The following LPA variants were observed in gnomAD, a reference collection of about 807,000 sequenced individuals.
The protein encoded by LPA is lipoprotein(a).
A neutral mutation model predicts 197.9 loss-of-function variants in LPA; 199 were observed. The ratio of observed to expected loss-of-function variants is 1.01; its 90% confidence interval spans 0.90 to 1.13. The LOEUF (loss-of-function observed/expected upper bound fraction) is 1.13. Ranked by LOEUF, LPA falls within the 50% of genes most tolerant of loss-of-function variation. The pLI is 0.00. For missense variants in LPA, 1,853 were observed against 1,785.8 expected (o/e 1.04, Z -0.68); for synonymous variants, 715 against 639.5 (o/e 1.12, Z -1.78).
At chr6:160,646,936 A>G (rs1296889856) in intron 2 of LPA, among the ~76,000 whole-genome samples, 1 of 152,058 alleles carries the variant, frequency 6.6e-6, no homozygotes, top group African/African-American at 2.4e-5. Context: ...CTCAAAACCT[A>G]GTGAAAAGGC....
intron 20 of LPA, among the ~76,000 whole-genome samples, chr6:160,599,018 A>G (rs1779183888): frequency 6.6e-6 from 1 of 152,180 alleles, no homozygotes; most frequent in African/African-American, 2.4e-5. Flanking sequence ...TTCTGCTTCC[A>G]TAAAACTAGG....
Position 160,531,623 on chromosome 6 carries a change from G to T in LPA, c.*106C>A. 1.4e-6 allele frequency: 2 copies of T among 1,473,216 alleles called. No homozygotes were observed. The highest frequency in any genetic ancestry group is 2.3e-5 in the South Asian group (2 of 86,852). The allele number at this position is 1,473,216 out of a possible 1,614,324, so 91.3% of individuals were successfully genotyped here. A position where few individuals can be genotyped will look rare whatever the true frequency, so the allele number is the denominator to read the frequency against. On this transcript the variant is annotated 3_prime_UTR_variant, in exon 39 of 39. Transcript: ENST00000316300. Reference sequence around the variant, plus strand: ...AAGGTTTGGCATAGCTGGTAGCTGGGAACAGTGTCTTCGTTTGATTGCTGT... The same window carrying T: ...AAGGTTTGGCATAGCTGGTAGCTGGTAACAGTGTCTTCGTTTGATTGCTGT...
At chr6:160,592,306 C>A (rs1583603353) in intron 22 of LPA, among the ~76,000 whole-genome samples, 2 of 152,184 alleles carry the variant, frequency 1.3e-5, no homozygotes, top group South Asian at 4.1e-4. Context: ...CTTTTCCTAC[C>A]ATAATATCTA....
At chr6:160,551,112 A>G (rs148438084) in intron 30 of LPA, among the ~76,000 whole-genome samples, 2,634 of 152,310 alleles carry the variant, frequency 0.017, 31 homozygotes, top group African/African-American at 0.026. Flanking sequence ...TGGAGAAACT[A>G]TCAGACTGAT....
chr6:160,662,852 T>TC (rs1436898391), intron 1 of LPA, among the ~76,000 whole-genome samples: 1 of 152,194 alleles, frequency 6.6e-6, no homozygotes. Flanking sequence ...CATCAGACTC[T>TC]CCCTGCAGGG....
At chr6:160,571,652 C>G (rs572113710) in intron 28 of LPA, among the ~76,000 whole-genome samples, 1 of 152,226 alleles carries the variant, frequency 6.6e-6, no homozygotes, top group Non-Finnish European at 1.5e-5. Context: ...GTTCAAACTT[C>G]CTAGCGGTTT....
intron 28 of LPA, among the ~76,000 whole-genome samples, chr6:160,559,141 T>C (rs1778320765): frequency 2.0e-5 from 3 of 152,214 alleles, no homozygotes; most frequent in Admixed American, 2.0e-4. Context: ...AACATTTCTG[T>C]GACCCCAGAA....
At chr6:160,606,059 G>T (rs987423639) in intron 17 of LPA, among the ~76,000 whole-genome samples, 1 of 152,198 alleles carries the variant, frequency 6.6e-6, no homozygotes, top group Non-Finnish European at 1.5e-5. Flanking sequence ...AAGGGTGACA[G>T]GCTCCAGAGC....
intron 28 of LPA, among the ~76,000 whole-genome samples, chr6:160,561,140 A>AC (rs1315146312): frequency 2.0e-5 from 3 of 151,984 alleles, no homozygotes; most frequent in Non-Finnish European, 4.4e-5. Context: ...CGATCTCCTG[A>AC]CCTCGTGATC....
intron 23 of LPA, 100 bp from the exon 24 acceptor site, chr6:160,589,812 G>A: frequency 2.2e-6 from 3 of 1,377,202 alleles, no homozygotes; most frequent in Non-Finnish European, 3.1e-6. Flanking sequence ...CTCTGAAAAT[G>A]ACGACCATGC....
In LPA at chr6:160,605,133, A is replaced by G. The variant is rs538586313; in HGVS notation, c.2858T>C (p.Phe953Ser). The G allele has an allele frequency of 2.5e-6, 4 of 1,613,950 alleles. No homozygotes were observed. The South Asian group carries it at 3.3e-5, about 13-fold the overall frequency. Reference protein sequence around the residue: ...GNGQSYQGTYFITVTGRTCQA... With the variant: ...GNGQSYQGTYSITVTGRTCQA... ...GCAGGTTCTTCCTGTGACAGTAATG[A>G]AGTATGTGCCTTGATAACTCTGTCC... The change falls in exon 18 of 39, where the codon TTC becomes TCC. Residue 953 changes from phenylalanine to serine, a missense_variant. Phe to Ser is a radical substitution (Grantham distance 155). Coordinates refer to ENST00000316300, the MANE Select transcript of LPA (RefSeq NM_005577.4).
In LPA at chr6:160,610,421, C is replaced by A. The variant is rs113336203; in HGVS notation, c.2603+1141G>T. On this transcript the variant is annotated intron_variant, in intron 16 of 38. Transcript: ENST00000316300. ...TGTTCTGGGGTCTCCACTGAATTGG[C>A]AATGTGTTCCGTGAGCACTCTCTCA... Among the ~76,000 whole-genome samples the A allele has an allele frequency of 2.7e-3, 415 of 152,192 alleles. 1 individual carries two copies. The highest frequency in any genetic ancestry group is 4.3e-3 in the Admixed American group (66 of 15,280).
chr6:160,541,749 G>A (rs1777985027), intron 34 of LPA, among the ~76,000 whole-genome samples: 1 of 152,192 alleles, frequency 6.6e-6, no homozygotes, highest in Non-Finnish European at 1.5e-5. Flanking sequence ...CAACGAAGAG[G>A]AATAGAGATA....
chr6:160,589,827 T>C (rs906580211), intron 23 of LPA, 115 bp from the exon 24 acceptor site: 22 of 1,215,206 alleles, frequency 1.8e-5, no homozygotes, highest in Non-Finnish European at 2.4e-5. Flanking sequence ...CCATGCTCTG[T>C]TCTACATTAG....
In LPA at chr6:160,599,642, G is replaced by A. The variant is rs763781934; in HGVS notation, c.3145C>T (p.Pro1049Ser). 2 of 1,613,990 alleles carry A rather than the reference G, an allele frequency of 1.2e-6. No homozygotes were observed. Among genetic ancestry groups the A allele is most frequent in the South Asian group, 1.1e-5 (1 of 91,078 alleles). The stretch of plus-strand genomic sequence containing the variant: ...TGGTAGTAGCAGTCCTGTACCCCGG[G>A]GGTTTCCTCAGTCAGTGCTGAAATT... The part of the protein sequence containing the change: ...FFEQALTEET[P>S]GVQDCYYHYG... Residue 1049 changes from proline (P) to serine (S), a missense_variant, in exon 20 of 39, where the codon CCC becomes TCC. Physicochemically the swap from Pro to Ser is moderately conservative, Grantham distance 74. Around this residue, in one of 3 missense-constraint regions of LPA, gnomAD observed 1,737 missense variants for 1,504.4 expected, o/e 1.15. Coordinates refer to ENST00000316300, the MANE Select transcript of LPA (RefSeq NM_005577.4).
In LPA at chr6:160,558,437, G is replaced by A. The variant is rs139529265; in HGVS notation, c.4632-866C>T. Among the ~76,000 whole-genome samples the A allele has an allele frequency of 6.0e-3, 919 of 152,260 alleles. 9 individuals are homozygous for A. Among genetic ancestry groups the A allele is most frequent in the Middle Eastern group, 0.041 (12 of 294 alleles). Reference sequence around the variant, plus strand: ...AGAGTGAAAAGCAATTATGAAAATAGTATTACTGTAAATAACATACCAGGT... The same window carrying A: ...AGAGTGAAAAGCAATTATGAAAATAATATTACTGTAAATAACATACCAGGT... On this transcript the variant is annotated intron_variant, in intron 28 of 38. Coordinates refer to ENST00000316300, the MANE Select transcript of LPA (RefSeq NM_005577.4).
At chr6:160,600,892 G>C in intron 19 of LPA, 25 bp downstream of exon 19, 1 of 1,611,246 alleles carries the variant, frequency 6.2e-7, no homozygotes, top group Non-Finnish European at 8.5e-7. Context: ...ATCCAAGCAG[G>C]TAAATGTCTG....
intron 36 of LPA, 126 bp from the exon 37 acceptor site, chr6:160,538,087 A>G (rs961882126): frequency 1.2e-5 from 9 of 738,158 alleles, no homozygotes; most frequent in Non-Finnish European, 2.2e-5. Flanking sequence ...TCACTGACAC[A>G]GAACAATGTA....
chr6:160,659,222 G>A (rs1204105447), intron 1 of LPA, among the ~76,000 whole-genome samples: 1 of 152,140 alleles, frequency 6.6e-6, no homozygotes, highest in African/African-American at 2.4e-5. Context: ...GGGGCAGCAG[G>A]GGCAGGGGCC....
Sources: gnomAD v4.1 joint callset for allele counts (sites outside exome capture counted in the v4.1 genomes callset) on GRCh38, gnomAD v4.1.1 for gene constraint, gnomAD v4.1.1 regional missense constraint, MANE v1.5 for transcripts, NCBI Gene and HGNC (gene_info 2026-07-23, HGNC 2026-07-21) for gene names.